GOSR1: variants seen among roughly 807,000 people sequenced by gnomAD.
The protein encoded by GOSR1 is 28 kDa Golgi SNARE protein.
Under a neutral mutation model 35.5 loss-of-function variants are expected in GOSR1, and 21 were observed. The ratio of observed to expected loss-of-function variants is 0.59; its 90% confidence interval spans 0.42 to 0.85. The LOEUF is 0.85. Among genes scored for constraint, GOSR1 ranks in the 40% least tolerant of loss-of-function variants. The probability of loss-of-function intolerance (pLI) is 0.00; values close to 1 mark genes in which losing one functional copy is unlikely to be tolerated. For synonymous variants in GOSR1, 94 were observed against 106.6 expected (o/e 0.88, Z 0.73); for missense variants, 285 against 309.6 (o/e 0.92, Z 0.60).
intron 6 of GOSR1, among the ~76,000 whole-genome samples, chr17:30,504,026 C>CTT (rs535749512): frequency 3.3e-4 from 45 of 137,198 alleles, no homozygotes; most frequent in Middle Eastern, 3.4e-3. Context: ...TTTCATTTAA[C>CTT]TTTTTTTTTT....
intron 7 of GOSR1, among the ~76,000 whole-genome samples, chr17:30,518,962 A>G (rs1034617213): frequency 6.7e-6 from 1 of 149,544 alleles, no homozygotes; most frequent in African/African-American, 2.5e-5. Context: ...ACCCCCCCCA[A>G]AAAAAGGATA....
intron 7 of GOSR1, among the ~76,000 whole-genome samples, chr17:30,515,422 A>G (rs1178265860): frequency 6.6e-6 from 1 of 151,796 alleles, no homozygotes; most frequent in South Asian, 2.1e-4. Context: ...AGGCCTCACC[A>G]TGCGTGATCA....
At chr17:30,505,821 T>C (rs1429957266) in intron 6 of GOSR1, among the ~76,000 whole-genome samples, 2 of 152,132 alleles carry the variant, frequency 1.3e-5, no homozygotes, top group Non-Finnish European at 2.9e-5. Flanking sequence ...CTCCACCTTG[T>C]GGGCTCAAGC....
At chr17:30,510,104 T>C (rs1353148335) in intron 6 of GOSR1, among the ~76,000 whole-genome samples, 3 of 152,180 alleles carry the variant, frequency 2.0e-5, no homozygotes, top group Non-Finnish European at 4.4e-5. Flanking sequence ...AGAGTCTTGC[T>C]CTATGGCCCA....
chr17:30,494,059 A>G (rs1304904682), intron 6 of GOSR1, among the ~76,000 whole-genome samples: 1 of 152,172 alleles, frequency 6.6e-6, no homozygotes, highest in African/African-American at 2.4e-5. Flanking sequence ...TTATGGCTAG[A>G]ACTATGTTTA....
At position 30,527,310 on chromosome 17, in the gene GOSR1, T is replaced by A. The variant is rs1968198633; in HGVS notation, c.*4932T>A. The A allele has an allele frequency of 2.6e-5, 4 of 152,232 alleles. No individual in the cohort carries two copies. The highest frequency in any genetic ancestry group is 9.7e-5 in the African/African-American group (4 of 41,432). The allele number at this position is 152,232 out of a possible 1,614,324, so 9.4% of individuals were successfully genotyped here. A position where few individuals can be genotyped will look rare whatever the true frequency, so the allele number is the denominator to read the frequency against. ...TCAAGGCTGCAGTAAGCAACGATTG[T>A]GCCACTGTACTCCAGCCTGGGTGAC... On this transcript the variant is annotated 3_prime_UTR_variant, in exon 9 of 9. Coordinates refer to ENST00000451249, the MANE Select transcript of GOSR1 (RefSeq NM_001007025.2).
rs932734088 is a variant in GOSR1 at position 30,501,559 on chromosome 17, C to T, written c.509+8806C>T. Among the ~76,000 whole-genome samples the T allele has an allele frequency of 7.3e-5, 11 of 151,360 alleles. No individual in the cohort carries two copies. In the East Asian group the frequency reaches 7.8e-4, roughly 11 times the overall value. On this transcript the variant is annotated intron_variant, in intron 6 of 8. Transcript: ENST00000451249. ...TCACCCAGGCTGGAGTGCAGTGGCGCGATCTCGGCTCACTGCATCCTCCGC... is the reference window on the plus strand; with the variant it reads ...TCACCCAGGCTGGAGTGCAGTGGCGTGATCTCGGCTCACTGCATCCTCCGC...
chr17:30,506,570 T>C (rs1967409795), intron 6 of GOSR1, among the ~76,000 whole-genome samples: 1 of 152,202 alleles, frequency 6.6e-6, no homozygotes, highest in Non-Finnish European at 1.5e-5. Context: ...GCCATCTCTA[T>C]AATATAGAAG....
At chr17:30,486,516 T>A in intron 4 of GOSR1, among the ~76,000 whole-genome samples, 1 of 145,610 alleles carries the variant, frequency 6.9e-6, no homozygotes. Context: ...AGAGTGACTG[T>A]TTCAAAAAAA....
chr17:30,518,953 C>T (rs1967919585), intron 7 of GOSR1, among the ~76,000 whole-genome samples: 1 of 150,030 alleles, frequency 6.7e-6, no homozygotes, highest in Admixed American at 6.6e-5. Flanking sequence ...CAACCCCCAA[C>T]CCCCCCCAAA....
rs1165032726 is a variant in GOSR1 at position 30,488,164 on chromosome 17, CT to C, written c.343-1944del. Among the ~76,000 whole-genome samples the C allele has an allele frequency of 7.5e-3, 876 of 116,898 alleles. 4 individuals are homozygous for C. The highest frequency in any genetic ancestry group is 0.025 in the African/African-American group (735 of 29,176). The allele number at this position is 116,898 out of a possible 152,430, so 76.7% of individuals were successfully genotyped here. ...AATAGACATTTACTCTTTAAATATA[CT>C]TTTTTTTTTTTTTTTTTGAGACAGA... On this transcript the variant is annotated intron_variant, in intron 4 of 8. Coordinates refer to ENST00000451249, the MANE Select transcript of GOSR1 (RefSeq NM_001007025.2).
At chr17:30,501,365 A>C (rs1484595051) in intron 6 of GOSR1, among the ~76,000 whole-genome samples, 1 of 152,240 alleles carries the variant, frequency 6.6e-6, no homozygotes, top group Non-Finnish European at 1.5e-5. Context: ...TAGAATGGCT[A>C]AAATCCAAAA....
intron 6 of GOSR1, among the ~76,000 whole-genome samples, chr17:30,503,215 C>T (rs1967277493): frequency 6.6e-6 from 1 of 152,174 alleles, no homozygotes; most frequent in South Asian, 2.1e-4. Flanking sequence ...AAAATACATG[C>T]TTGAAATCAC....
At chr17:30,520,269 A>T (rs1967978271) in intron 8 of GOSR1, 1 of 338,018 alleles carries the variant, frequency 3.0e-6, no homozygotes, top group African/African-American at 2.1e-5. Context: ...ATGTGAATTT[A>T]AAAATTATCC....
At chr17:30,484,560 G>A (rs1189688065) in intron 3 of GOSR1, 103 bp from the exon 4 acceptor site, 2 of 649,144 alleles carry the variant, frequency 3.1e-6, no homozygotes, top group African/African-American at 3.7e-5. Flanking sequence ...GTTTTGTTTT[G>A]TTTTGCTGTC....
At chr17:30,490,623 T>C (rs1914983886) in intron 5 of GOSR1, among the ~76,000 whole-genome samples, 1 of 152,194 alleles carries the variant, frequency 6.6e-6, no homozygotes, top group Non-Finnish European at 1.5e-5. Context: ...TTTCTCTTCC[T>C]GATTATCACC....
Position 30,510,912 on chromosome 17 carries a change from A to G in GOSR1, c.539+3A>G, listed in dbSNP as rs1201227689. On this transcript the variant is annotated splice_donor_region_variant and intron_variant, in intron 7 of 8. Coordinates refer to ENST00000451249, the MANE Select transcript of GOSR1 (RefSeq NM_001007025.2). Reference sequence around the variant, plus strand: ...CGTCTGATAGAAGAGACAATAAGGTAGGAATAAGTTTTTGTTTTGCTTTGT... The same window carrying G: ...CGTCTGATAGAAGAGACAATAAGGTGGGAATAAGTTTTTGTTTTGCTTTGT... 52 of 1,539,914 alleles carry G rather than the reference A, an allele frequency of 3.4e-5. No individual in the cohort carries two copies. The Admixed American group carries it at 8.8e-4, about 26-fold the overall frequency.
At chr17:30,482,270 C>G (rs993898919) in intron 2 of GOSR1, among the ~76,000 whole-genome samples, 3 of 152,010 alleles carry the variant, frequency 2.0e-5, no homozygotes, top group Admixed American at 6.6e-5. Flanking sequence ...TCATTTAACT[C>G]TGGTATATTC....
intron 6 of GOSR1, among the ~76,000 whole-genome samples, chr17:30,503,864 C>T (rs980436037): frequency 6.6e-6 from 1 of 152,104 alleles, no homozygotes; most frequent in African/African-American, 2.4e-5. Context: ...AGGACTCCTG[C>T]GTACTCATGT....
Sources: gnomAD v4.1 joint callset for allele counts (sites outside exome capture counted in the v4.1 genomes callset) on GRCh38, gnomAD v4.1.1 for gene constraint, MANE v1.5 for transcripts, NCBI Gene and HGNC (gene_info 2026-07-23, HGNC 2026-07-21) for gene names.